Variants in IGFBP5 observed in about 807,000 individuals in gnomAD.
IGFBP5 encodes insulin-like growth factor-binding protein 5.
IGFBP5 carries 12 observed loss-of-function variants against 28.0 expected under a neutral mutation model. The observed-to-expected ratio is 0.43, with a 90% confidence interval of 0.27 to 0.69. The LOEUF is 0.69. IGFBP5 is among the 30% of genes least tolerant of loss of function. The pLI is 0.20. For missense variants in IGFBP5, 344 were observed against 381.6 expected (o/e 0.90, Z 0.82); for synonymous variants, 152 against 150.2 (o/e 1.01, Z -0.09).
In IGFBP5 at chr2:216,695,133, A is replaced by G; in HGVS notation, c.-358T>C. On this transcript the variant is annotated 5_prime_UTR_variant, in exon 1 of 4. Transcript: ENST00000233813. ...TTGTTCACCCCCAAGCAACCACCGAAATAATGAGATCGGATGCAGTGGAGA... is the reference window on the plus strand; with the variant it reads ...TTGTTCACCCCCAAGCAACCACCGAGATAATGAGATCGGATGCAGTGGAGA... 1 of 189,300 alleles carries G rather than the reference A, an allele frequency of 5.3e-6. No homozygotes were observed. Among genetic ancestry groups the G allele is most frequent in the Non-Finnish European group, 1.1e-5 (1 of 92,980 alleles). 11.7% of individuals were successfully genotyped at this position (189,300 alleles called of 1,614,324 possible).
chr2:216,680,633 C>A (rs1688967917), intron 1 of IGFBP5, among the ~76,000 whole-genome samples: 1 of 152,166 alleles, frequency 6.6e-6, no homozygotes. Flanking sequence ...GGTATCTGGT[C>A]TTTAAGGCCT....
At chr2:216,684,637 C>T (rs1449864092) in intron 1 of IGFBP5, among the ~76,000 whole-genome samples, 1 of 152,202 alleles carries the variant, frequency 6.6e-6, no homozygotes, top group African/African-American at 2.4e-5. Context: ...GGGTTTCATT[C>T]TAGTCCCCCC....
At position 216,679,072 on chromosome 2, in the gene IGFBP5, G is replaced by A. The variant is rs1688939573; in HGVS notation, c.345C>T (p.Asp115=). 6 of 1,614,018 alleles carry A rather than the reference G, an allele frequency of 3.7e-6. No homozygotes were observed. The highest frequency in any genetic ancestry group is 5.1e-6 in the Non-Finnish European group (6 of 1,179,872). The change falls in exon 2 of 4, where the codon GAC becomes GAT. Residue 115 remains aspartate (D), a synonymous_variant. Coordinates refer to ENST00000233813, the MANE Select transcript of IGFBP5 (RefSeq NM_000599.4). This position sits in a 1 kb window ranked among gnomAD's most constrained non-coding sequence, Gnocchi z 4.6. ...SYREQVKIER[D]SREHEEPTTS... ...TGGTGGGCTCCTCGTGCTCACGGGA[G>A]TCTCTCTCTGCAGGAGAAGGAGCCG...
At chr2:216,691,820 TATAG>T (rs1689099897) in intron 1 of IGFBP5, among the ~76,000 whole-genome samples, 2 of 144,108 alleles carry the variant, frequency 1.4e-5, no homozygotes. Flanking sequence ...TATATAATTA[TATAG>T]ATATAATATG....
intron 1 of IGFBP5, among the ~76,000 whole-genome samples, chr2:216,683,851 A>G (rs981328995): frequency 6.6e-6 from 1 of 152,156 alleles, no homozygotes; most frequent in Non-Finnish European, 1.5e-5. Context: ...TCTGGCTTCT[A>G]TATAATACCT....
intron 1 of IGFBP5, among the ~76,000 whole-genome samples, chr2:216,685,885 T>C (rs1689029392): frequency 6.6e-6 from 1 of 152,072 alleles, no homozygotes; most frequent in African/African-American, 2.4e-5. Context: ...TTTGTTTTTG[T>C]TTTTTGTTTG....
At position 216,694,464 on chromosome 2, in the gene IGFBP5, C is replaced by T; in HGVS notation, c.312G>A (p.Lys104=). Residue 104 remains lysine, a synonymous_variant, in exon 1 of 4, where the codon AAG becomes AAA. Coordinates refer to ENST00000233813, the MANE Select transcript of IGFBP5 (RefSeq NM_000599.4). This position sits in a 1 kb window ranked among gnomAD's most constrained non-coding sequence, Gnocchi z 5.2. ...LHGRGVCLNE[K]SYREQVKIER... Reference sequence around the variant, plus strand: ...CGATCTTGACTTGCTCGCGGTAGCTCTTTTCGTTGAGGCAAACCCCGCGGC... The same window carrying T: ...CGATCTTGACTTGCTCGCGGTAGCTTTTTTCGTTGAGGCAAACCCCGCGGC... 1 of 1,581,284 alleles carries T rather than the reference C, an allele frequency of 6.3e-7. No homozygotes were observed. Among genetic ancestry groups the T allele is most frequent in the Non-Finnish European group, 8.6e-7 (1 of 1,167,838 alleles).
At chr2:216,691,847 G>A (rs1207506708) in intron 1 of IGFBP5, among the ~76,000 whole-genome samples, 1 of 134,980 alleles carries the variant, frequency 7.4e-6, no homozygotes, top group Non-Finnish European at 1.6e-5. Flanking sequence ...GTGTGTGTGT[G>A]TGTGTGTGTG....
intron 1 of IGFBP5, among the ~76,000 whole-genome samples, chr2:216,686,706 C>T (rs1381391701): frequency 4.8e-4 from 61 of 126,420 alleles, no homozygotes; most frequent in African/African-American, 3.7e-4. Context: ...CTCACTCTGT[C>T]GCCAGGCTGG....
chr2:216,679,197 G>T lies in IGFBP5; in HGVS notation c.338-118C>A, dbSNP rs772171284. On this transcript the variant is annotated intron_variant, in intron 1 of 3. Transcript: ENST00000233813. The surrounding 1 kb of genome is among the most constrained non-coding windows in gnomAD (Gnocchi z 4.6). ...TAAAGGCTGAAGCAGATGTGTCTCT[G>T]CCCTCCTGGAGCACACCCTGAAAGC... 6 of 751,774 alleles carry T rather than the reference G, an allele frequency of 8.0e-6. No individual in the cohort carries two copies. The highest frequency in any genetic ancestry group is 5.9e-5 in the South Asian group (4 of 68,102). 46.6% of individuals were successfully genotyped at this position (751,774 alleles called of 1,614,324 possible).
chr2:216,693,971 T>C (rs1026423921), intron 1 of IGFBP5, among the ~76,000 whole-genome samples: 1 of 151,546 alleles, frequency 6.6e-6, no homozygotes, highest in Non-Finnish European at 1.5e-5. Flanking sequence ...GCTCAGAAGA[T>C]AGGTAATGCC....
In IGFBP5 at chr2:216,695,123, C is replaced by G. The variant is rs903886896; in HGVS notation, c.-348G>C. ...AGCCACAAAATTGTTCACCCCCAAG[C>G]AACCACCGAAATAATGAGATCGGAT... On this transcript the variant is annotated 5_prime_UTR_variant, in exon 1 of 4. Transcript: ENST00000233813. 8.3e-5 allele frequency: 17 copies of G among 204,354 alleles called. No individual in the cohort carries two copies. The highest frequency in any genetic ancestry group is 1.4e-4 in the Non-Finnish European group (14 of 102,906). The allele number at this position is 204,354 out of a possible 1,614,324, so 12.7% of individuals were successfully genotyped here.
chr2:216,682,959 T>C (rs1023109113), intron 1 of IGFBP5, among the ~76,000 whole-genome samples: 2 of 152,018 alleles, frequency 1.3e-5, no homozygotes, highest in Admixed American at 6.5e-5. Flanking sequence ...CCGCCCGCCT[T>C]GGCCTCCCAA....
chr2:216,683,780 G>A (rs1338020456), intron 1 of IGFBP5, among the ~76,000 whole-genome samples: 1 of 152,164 alleles, frequency 6.6e-6, no homozygotes, highest in Non-Finnish European at 1.5e-5. Context: ...AATGACTAAG[G>A]GAGGGGATGA....
rs541463107 is a variant in IGFBP5 at position 216,687,810 on chromosome 2, A to G, written c.337+6629T>C. Among the ~76,000 whole-genome samples the G allele has an allele frequency of 3.3e-5, 5 of 152,298 alleles. 1 individual carries two copies. The East Asian group carries it at 9.6e-4, about 29-fold the overall frequency. On this transcript the variant is annotated intron_variant, in intron 1 of 3. Coordinates refer to ENST00000233813, the MANE Select transcript of IGFBP5 (RefSeq NM_000599.4). ...GCCAGTTCAGAACATTGCCAGCCAC[A>G]GCCACATCCCCCCAAAGTTCTGCAT...
intron 1 of IGFBP5, among the ~76,000 whole-genome samples, chr2:216,687,102 G>A (rs183764264): frequency 3.8e-4 from 58 of 152,234 alleles, no homozygotes; most frequent in Non-Finnish European, 6.9e-4. Flanking sequence ...GTTGACAGAC[G>A]CCTACTTGTA....
At position 216,676,530 on chromosome 2, in the gene IGFBP5, G is replaced by GT. The variant is rs11575206; in HGVS notation, c.*220_*221insA. The GT allele has an allele frequency of 1.2e-4, 30 of 244,004 alleles. No homozygotes were observed. Among genetic ancestry groups the GT allele is most frequent in the Middle Eastern group, 1.4e-3 (1 of 702 alleles). The allele number at this position is 244,004 out of a possible 1,614,324, so 15.1% of individuals were successfully genotyped here. A position where few individuals can be genotyped will look rare whatever the true frequency, so the allele number is the denominator to read the frequency against. ...TGCCTCAAAAAGAAAACCATTTAAA[G>GT]GGGGGGGGTGTCTTTTTAGCTTTTT... On this transcript the variant is annotated 3_prime_UTR_variant, in exon 4 of 4. Coordinates refer to ENST00000233813, the MANE Select transcript of IGFBP5 (RefSeq NM_000599.4).
At chr2:216,683,670 C>T (rs939837393) in intron 1 of IGFBP5, among the ~76,000 whole-genome samples, 18 of 152,272 alleles carry the variant, frequency 1.2e-4, no homozygotes, top group African/African-American at 4.3e-4. Flanking sequence ...AGATGCTGTT[C>T]TGAGAGGTTT....
rs577498769 is a variant in IGFBP5 at position 216,679,425 on chromosome 2, G to A, written c.338-346C>T. 2.0e-5 allele frequency among the ~76,000 whole-genome samples: 3 copies of A among 152,204 alleles called. No homozygotes were observed. In the East Asian group the frequency reaches 5.8e-4, roughly 29 times the overall value. ...GGGCAAGGAAAATGGCCTCTGCAAG[G>A]ATGAAGGTGGCAGCGAGCGGTTTGC... On this transcript the variant is annotated intron_variant, in intron 1 of 3. Transcript: ENST00000233813. The surrounding 1 kb of genome is among the most constrained non-coding windows in gnomAD (Gnocchi z 4.6).
Sources: gnomAD v4.1 joint callset for allele counts (sites outside exome capture counted in the v4.1 genomes callset) on GRCh38, gnomAD v4.1.1 for gene constraint, Gnocchi (gnomAD v3.1) non-coding constraint, MANE v1.5 for transcripts, NCBI Gene and HGNC (gene_info 2026-07-23, HGNC 2026-07-21) for gene names.